Variants in COXFA4 observed in about 807,000 individuals in gnomAD.
COXFA4 encodes cytochrome c oxidase associated subunit FA4, also known as cytochrome c oxidase subunit FA4.
chr7:10,936,433 G>T, the COXFA4 span, among the ~76,000 whole-genome samples: 4 of 152,164 alleles, frequency 2.6e-5, no homozygotes, highest in African/African-American at 9.6e-5. Context: ...CTCTTTGGTG[G>T]AAGAATCAAA....
At chr7:10,934,137 C>A in the COXFA4 span, among the ~76,000 whole-genome samples, 5 of 151,956 alleles carry the variant, frequency 3.3e-5, no homozygotes, top group African/African-American at 1.2e-4. Flanking sequence ...GGGAGAGATC[C>A]TGCAACAAAA....
chr7:10,937,494 G>C, the COXFA4 span, among the ~76,000 whole-genome samples: 5 of 152,070 alleles, frequency 3.3e-5, no homozygotes, highest in Admixed American at 2.0e-4. Context: ...TATTGGCCAG[G>C]CTGATTTCCA....
chr7:10,939,707 C>T, the COXFA4 span: 6 of 449,716 alleles, frequency 1.3e-5, no homozygotes, highest in South Asian at 2.1e-5. Context: ...ATCTATCCCT[C>T]CTGGACCGCA....
the COXFA4 span, chr7:10,938,723 C>A: frequency 1.1e-6 from 1 of 912,744 alleles, no homozygotes; most frequent in East Asian, 2.4e-5. Context: ...CTTTCTACTA[C>A]CCTAATGTTA....
the COXFA4 span, chr7:10,939,741 C>T: frequency 7.8e-6 from 4 of 510,326 alleles, no homozygotes; most frequent in South Asian, 8.2e-5. Context: ...AGAGCGGCCA[C>T]CAGACTGTTC....
At chr7:10,935,517 T>C in the COXFA4 span, among the ~76,000 whole-genome samples, 1 of 152,228 alleles carries the variant, frequency 6.6e-6, no homozygotes. Flanking sequence ...TGAATGTTTA[T>C]GTCCTCCCAA....
chr7:10,933,379 A>C, the COXFA4 span: 1 of 426,450 alleles, frequency 2.3e-6, no homozygotes. Context: ...AATTCAAGAA[A>C]TTCTTTAAAT....
the COXFA4 span, among the ~76,000 whole-genome samples, chr7:10,937,050 A>AC: frequency 1.3e-5 from 2 of 152,058 alleles, no homozygotes; most frequent in Admixed American, 6.6e-5. Flanking sequence ...AACAACAACA[A>AC]AAAAACGTTG....
At chr7:10,939,789 C>T in the COXFA4 span, 1 of 627,046 alleles carries the variant, frequency 1.6e-6, no homozygotes. Flanking sequence ...GTTTTTTTTC[C>T]GAGCAGTGTC....
At chr7:10,937,607 G>A in the COXFA4 span, among the ~76,000 whole-genome samples, 7 of 152,088 alleles carry the variant, frequency 4.6e-5, no homozygotes, top group African/African-American at 1.7e-4. Flanking sequence ...ATGCTGTGCA[G>A]GGTCTTTGTA....
At chr7:10,937,129 C>T in the COXFA4 span, among the ~76,000 whole-genome samples, 1 of 152,116 alleles carries the variant, frequency 6.6e-6, no homozygotes, top group Non-Finnish European at 1.5e-5. Context: ...ATCGGGGACC[C>T]TGTTCTTCAG....
chr7:10,932,526 A>C, the COXFA4 span: 2 of 152,256 alleles, frequency 1.3e-5, no homozygotes, highest in Admixed American at 1.3e-4. Flanking sequence ...CTACCCTGTA[A>C]ACATTTAATT....
chr7:10,938,035 A>G, the COXFA4 span: 1 of 1,504,344 alleles, frequency 6.6e-7, no homozygotes, highest in Non-Finnish European at 9.3e-7. Context: ...CCACCCCATG[A>G]CAAAACTTAT....
chr7:10,939,999 A>C, the COXFA4 span: 1 of 1,613,790 alleles, frequency 6.2e-7, no homozygotes, highest in Non-Finnish European at 8.5e-7. Flanking sequence ...ACATTAGGAG[A>C]GCGGTCACGA....
the COXFA4 span, chr7:10,938,024 C>T: frequency 3.6e-6 from 5 of 1,383,358 alleles, no homozygotes; most frequent in South Asian, 1.2e-5. Context: ...TTCAAGAAAA[C>T]CCACCCCATG....
chr7:10,933,566 T>C, the COXFA4 span: 2 of 1,212,030 alleles, frequency 1.7e-6, no homozygotes, highest in East Asian at 2.3e-5. Context: ...CCTGGTTAAG[T>C]GGAAAATTGT....
chr7:10,939,952 A>G, the COXFA4 span: 1 of 1,582,954 alleles, frequency 6.3e-7, no homozygotes, highest in Non-Finnish European at 8.7e-7. Flanking sequence ...CAGGGAACAG[A>G]AAGAGGCGCA....
At chr7:10,933,696 G>A in the COXFA4 span, 1 of 1,604,054 alleles carries the variant, frequency 6.2e-7, no homozygotes, top group South Asian at 1.1e-5. Context: ...AGTAGAACTT[G>A]GAACAGAAAA....
At chr7:10,938,012 G>A in the COXFA4 span, 649 of 1,225,554 alleles carry the variant, frequency 5.3e-4, 2 homozygotes, top group Non-Finnish European at 7.6e-4. Flanking sequence ...CGTATATCCA[G>A]TTTCAAGAAA....
Sources: allele counts gnomAD v4.1 joint callset (sites outside exome capture counted in the v4.1 genomes callset), GRCh38; gene constraint gnomAD v4.1.1; transcripts MANE v1.5; gene names NCBI Gene and HGNC (gene_info 2026-07-23, HGNC 2026-07-21).